TRPM3: variants seen among roughly 807,000 people sequenced by gnomAD.
TRPM3 encodes long transient receptor potential channel 3.
A neutral mutation model predicts 181.2 loss-of-function variants in TRPM3; 77 were observed. The ratio of observed to expected loss-of-function variants is 0.42; its 90% CI spans 0.35 to 0.51. The LOEUF (loss-of-function observed/expected upper bound fraction) is 0.51, where lower values mean the gene tolerates loss of function less well. Among genes scored for constraint, TRPM3 ranks in the 20% least tolerant of loss-of-function variants. TRPM3 has a pLI of 0.01. For missense variants in TRPM3, 1,759 were observed against 2,196.7 expected (o/e 0.80, Z 3.98); for synonymous variants, 745 against 796.4 (o/e 0.94, Z 1.09).
chr9:71,111,344 C>T (rs925349806), intron 1 of TRPM3, among the ~76,000 whole-genome samples: 1 of 152,156 alleles, frequency 6.6e-6, no homozygotes, highest in South Asian at 2.1e-4. Flanking sequence ...TACGTACCCA[C>T]CCGTTAATAT....
intron 9 of TRPM3, among the ~76,000 whole-genome samples, chr9:70,676,948 AC>A (rs1294432241): frequency 1.2e-5 from 1 of 86,342 alleles, no homozygotes; most frequent in East Asian, 4.2e-4. Context: ...CACTAATCCC[AC>A]CCCCCACCCA....
Position 70,610,675 on chromosome 9 carries a change from T to G in TRPM3, c.2601A>C (p.Leu867Phe). The change falls in exon 19 of 26, where the codon TTA (leucine) becomes TTC (phenylalanine). Residue 867 changes from leucine to phenylalanine, a missense_variant. Leu to Phe is a conservative substitution (Grantham distance 22). Coordinates refer to ENST00000677713, the MANE Select transcript of TRPM3 (RefSeq NM_001366145.2). ...CATAGATTTTTCTGCCGAGGGGGAT[T>G]AACCGGTGCTTGCTCTGAACTTCCT... is the stretch of plus-strand genomic sequence containing the variant. ...DEEEVQSKHR[L>F]IPLGRKIYEF... 3 of 1,614,176 alleles carry G rather than the reference T, an allele frequency of 1.9e-6. No individual in the cohort carries two copies. Among genetic ancestry groups the G allele is most frequent in the Non-Finnish European group, 1.7e-6 (2 of 1,180,014 alleles).
intron 1 of TRPM3, among the ~76,000 whole-genome samples, chr9:71,379,973 G>C (rs567381329): frequency 6.6e-6 from 1 of 152,038 alleles, no homozygotes; most frequent in South Asian, 2.1e-4. Context: ...CATGTGTTCA[G>C]TCCCTAGTTT....
intron 1 of TRPM3, among the ~76,000 whole-genome samples, chr9:71,007,120 C>A: frequency 7.0e-6 from 1 of 143,636 alleles, no homozygotes; most frequent in Admixed American, 6.9e-5. Context: ...AAAGAAAGGG[C>A]CATTATATAA....
chr9:71,138,486 G>GTA (rs2074904009), intron 1 of TRPM3, among the ~76,000 whole-genome samples: 1 of 151,988 alleles, frequency 6.6e-6, no homozygotes, highest in Non-Finnish European at 1.5e-5. Flanking sequence ...AGATTTTTCA[G>GTA]TATATATATG....
rs2061893833 is a variant in TRPM3, at chr9:70,610,823, G to A, written c.2527-74C>T. On this transcript the variant is annotated intron_variant, in intron 18 of 25. Coordinates refer to ENST00000677713, the MANE Select transcript of TRPM3 (RefSeq NM_001366145.2). ...TGTTGTTCAATGTGCTTACTTTACAGATGAGGAAAGGATGCTCATAGAACC... is the reference window on the plus strand; with the variant it reads ...TGTTGTTCAATGTGCTTACTTTACAAATGAGGAAAGGATGCTCATAGAACC... 4.5e-6 allele frequency: 7 copies of A among 1,553,316 alleles called. No homozygotes were observed. In the Admixed American group the frequency reaches 1.3e-4, roughly 28 times the overall value.
chr9:70,746,027 C>G (rs2075102891), intron 8 of TRPM3, among the ~76,000 whole-genome samples: 1 of 152,160 alleles, frequency 6.6e-6, no homozygotes, highest in South Asian at 2.1e-4. Context: ...GAGCCACACA[C>G]TGTGCCAACA....
chr9:71,440,328 T>C (rs974402010), intron 1 of TRPM3, among the ~76,000 whole-genome samples: 2 of 152,178 alleles, frequency 1.3e-5, no homozygotes, highest in Admixed American at 6.5e-5. Context: ...GCCACCATAC[T>C]GTACCATACA....
intron 1 of TRPM3, among the ~76,000 whole-genome samples, chr9:71,198,132 C>T (rs2078516557): frequency 6.6e-6 from 1 of 150,600 alleles, no homozygotes; most frequent in Non-Finnish European, 1.5e-5. Flanking sequence ...ATAGGGAATC[C>T]TTTCCCCATT....
intron 1 of TRPM3, among the ~76,000 whole-genome samples, chr9:71,078,626 T>C (rs553468393): frequency 2.6e-5 from 4 of 152,288 alleles, no homozygotes; most frequent in South Asian, 4.1e-4. Flanking sequence ...TATGCATAGA[T>C]GTAGGTATAA....
chr9:71,147,562 C>A (rs1565275923), intron 1 of TRPM3, among the ~76,000 whole-genome samples: 3 of 152,068 alleles, frequency 2.0e-5, no homozygotes, highest in African/African-American at 7.2e-5. Context: ...CTCCTGAAGT[C>A]CTATACATAC....
At chr9:70,976,281 C>T (rs1422008227) in intron 1 of TRPM3, among the ~76,000 whole-genome samples, 1 of 152,176 alleles carries the variant, frequency 6.6e-6, no homozygotes, top group South Asian at 2.1e-4. Context: ...AGGATTTATT[C>T]ACTGTGAAGG....
chr9:70,585,535 C>T (rs1006661170), intron 22 of TRPM3, among the ~76,000 whole-genome samples: 3 of 152,306 alleles, frequency 2.0e-5, no homozygotes, highest in Admixed American at 2.0e-4. Flanking sequence ...CCCCATACCC[C>T]CATAGTTCCT....
intron 1 of TRPM3, among the ~76,000 whole-genome samples, chr9:70,978,204 G>C (rs113301945): frequency 6.6e-6 from 1 of 152,150 alleles, no homozygotes; most frequent in African/African-American, 2.4e-5. Flanking sequence ...TGCCAAATAC[G>C]TATTTCTTAT....
At chr9:71,194,900 A>C (rs1338785479) in intron 1 of TRPM3, among the ~76,000 whole-genome samples, 1 of 152,044 alleles carries the variant, frequency 6.6e-6, no homozygotes, top group Non-Finnish European at 1.5e-5. Context: ...TACTGCAAAA[A>C]ACACCAAGAA....
At chr9:71,288,639 G>A (rs2085509144) in intron 1 of TRPM3, among the ~76,000 whole-genome samples, 1 of 152,072 alleles carries the variant, frequency 6.6e-6, no homozygotes, top group Non-Finnish European at 1.5e-5. Context: ...GGGAAATGAG[G>A]AGAATTCCTT....
At chr9:70,958,865 G>A (rs1278908791) in intron 1 of TRPM3, among the ~76,000 whole-genome samples, 3 of 152,002 alleles carry the variant, frequency 2.0e-5, no homozygotes, top group Middle Eastern at 3.4e-3. Flanking sequence ...TAGGGACATG[G>A]ATGAAATTGG....
intron 8 of TRPM3, among the ~76,000 whole-genome samples, chr9:70,751,158 T>C (rs2076073631): frequency 6.6e-6 from 1 of 152,018 alleles, no homozygotes; most frequent in South Asian, 2.1e-4. Context: ...AAACAAAAGC[T>C]ATATATAATT....
intron 1 of TRPM3, among the ~76,000 whole-genome samples, chr9:71,010,211 A>G (rs1212732363): frequency 1.3e-5 from 2 of 152,200 alleles, no homozygotes; most frequent in African/African-American, 4.8e-5. Context: ...CATAGGCAAC[A>G]AATGCAAAAA....
Sources: gnomAD v4.1 joint callset for allele counts (sites outside exome capture counted in the v4.1 genomes callset) on GRCh38, gnomAD v4.1.1 for gene constraint, MANE v1.5 for transcripts, NCBI Gene and HGNC (gene_info 2026-07-23, HGNC 2026-07-21) for gene names.